The following PROX1 variants were observed in gnomAD, a reference collection of about 807,000 sequenced individuals.
PROX1 encodes the protein prospero homeobox protein 1.
In PROX1, 7 loss-of-function variants were observed where a neutral mutation model predicts 58.8. That is an observed-to-expected ratio of 0.12 (90% CI 0.07 to 0.22). The LOEUF (loss-of-function observed/expected upper bound fraction) is 0.22. Among genes scored for constraint, PROX1 ranks in the 10% least tolerant of loss-of-function variants. The pLI, the probability that PROX1 is intolerant of heterozygous loss-of-function variation, is 1.00. For synonymous variants in PROX1, 350 were observed against 358.3 expected (o/e 0.98, Z 0.26); for missense variants, 675 against 927.8 (o/e 0.73, Z 3.54).
At chr1:214,022,727 A>AGAT (rs1491156031) in intron 4 of PROX1, among the ~76,000 whole-genome samples, 5 of 152,226 alleles carry the variant, frequency 3.3e-5, no homozygotes, top group Non-Finnish European at 5.9e-5. Context: ...GAAAGTGATA[A>AGAT]GATTAAATTC....
chr1:214,006,808 T>C (rs1436739526), intron 3 of PROX1, among the ~76,000 whole-genome samples: 10 of 152,198 alleles, frequency 6.6e-5, no homozygotes, highest in Non-Finnish European at 1.3e-4. Context: ...CAGATGTCCA[T>C]GTTACTCATT....
rs1664958806 is a variant in PROX1, at chr1:214,039,933, C to T, written c.*4099C>T. 1 of 152,146 alleles carries T rather than the reference C, an allele frequency of 6.6e-6. No homozygotes were observed. The highest frequency in any genetic ancestry group is 2.4e-5 in the African/African-American group (1 of 41,424). The allele number at this position is 152,146 out of a possible 1,614,324, so 9.4% of individuals were successfully genotyped here. A position where few individuals can be genotyped will look rare whatever the true frequency, so the allele number is the denominator to read the frequency against. On this transcript the variant is annotated 3_prime_UTR_variant, in exon 5 of 5. Transcript: ENST00000366958. Reference sequence around the variant, plus strand: ...TATGAAAGAAAGAGTAGTTTACAGACTCCCCTGAAAGAAGCAGTGTATATG... The same window carrying T: ...TATGAAAGAAAGAGTAGTTTACAGATTCCCCTGAAAGAAGCAGTGTATATG...
intron 4 of PROX1, among the ~76,000 whole-genome samples, chr1:214,025,751 C>G (rs1276659184): frequency 6.6e-6 from 1 of 151,918 alleles, no homozygotes; most frequent in East Asian, 1.9e-4. Context: ...CAACCTCCGC[C>G]TCTTGGGTTC....
intron 4 of PROX1, chr1:214,030,635 T>G (rs1664616999): frequency 2.0e-5 from 3 of 152,172 alleles, no homozygotes; most frequent in Admixed American, 6.6e-5. Context: ...TTACGGACGG[T>G]TCAGAGGTGT....
upstream of PROX1, chr1:213,984,587 G>GC (rs1662778198): frequency 6.6e-6 from 1 of 152,356 alleles, no homozygotes; most frequent in Non-Finnish European, 1.5e-5. Context: ...TCCAGGTTGG[G>GC]CTTGGCGTCA....
At chr1:214,027,162 G>T (rs533520832) in intron 4 of PROX1, among the ~76,000 whole-genome samples, 16 of 152,114 alleles carry the variant, frequency 1.1e-4, no homozygotes, top group African/African-American at 3.9e-4. Flanking sequence ...GGGGCTATTG[G>T]GTGGCTCATC....
chr1:213,999,831 G>C (rs758247665), intron 2 of PROX1, among the ~76,000 whole-genome samples: 14 of 152,276 alleles, frequency 9.2e-5, no homozygotes, highest in Admixed American at 5.2e-4. Flanking sequence ...TTGATCAAAT[G>C]ATTGGAATAT....
At chr1:214,032,187 C>T (rs777302564) in intron 4 of PROX1, among the ~76,000 whole-genome samples, 41 of 152,028 alleles carry the variant, frequency 2.7e-4, no homozygotes, top group Non-Finnish European at 5.0e-4. Context: ...GTTTTGGTGC[C>T]TCATATAAAT....
chr1:214,012,671 G>A lies in PROX1; in HGVS notation c.2028+956G>A, dbSNP rs1011524324. Among the ~76,000 whole-genome samples the A allele has an allele frequency of 2.6e-5, 4 of 152,228 alleles. No homozygotes were observed. The South Asian group carries it at 8.3e-4, about 32-fold the overall frequency. ...TGCAGGCTGAACTCCCTGATGATGA[G>A]ATCAGACAGGCTGTGGCTTGACAAA... On this transcript the variant is annotated intron_variant, in intron 4 of 4. Transcript: ENST00000366958.
rs1663310601 is a variant in PROX1, at chr1:213,997,388, G to C, written c.853G>C (p.Asp285His). Residue 285 changes from aspartate (D) to histidine (H), a missense_variant, in exon 2 of 5, where the codon GAT becomes CAT. By Grantham distance (81) the Asp-to-His change is moderately conservative. Transcript: ENST00000366958. The surrounding 1 kb of genome is among the most constrained non-coding windows in gnomAD (Gnocchi z 7.1). The part of the protein sequence containing the change: ...SEDSMRSEIL[D>H]ARAQDSVGRS... ...AGACAGCATGCGCTCGGAGATCCTGGATGCCAGGGCCCAGGACTCTGTCGG... is the reference window on the plus strand; with the variant it reads ...AGACAGCATGCGCTCGGAGATCCTGCATGCCAGGGCCCAGGACTCTGTCGG... The C allele has an allele frequency of 6.2e-7, 1 of 1,614,102 alleles. No individual in the cohort carries two copies. Among genetic ancestry groups the C allele is most frequent in the Admixed American group, 1.7e-5 (1 of 60,014 alleles).
intron 4 of PROX1, among the ~76,000 whole-genome samples, chr1:214,020,341 G>A (rs1228016098): frequency 2.6e-5 from 4 of 152,072 alleles, no homozygotes; most frequent in African/African-American, 7.2e-5. Context: ...CGCTGTGCAC[G>A]TTACAGTCTT....
In PROX1 at chr1:214,008,345, G is replaced by A. The variant is rs867833322; in HGVS notation, c.1833+3073G>A. ...GCTGGGATTACAGGCATGAGCCACC[G>A]CGCTCAGCCCTCATATTTTATTTAG... is the stretch of plus-strand genomic sequence containing the variant. On this transcript the variant is annotated intron_variant, in intron 3 of 4. Transcript: ENST00000366958. 1.9e-4 allele frequency among the ~76,000 whole-genome samples: 29 copies of A among 152,010 alleles called. 1 individual carries two copies. Among genetic ancestry groups the A allele is most frequent in the Admixed American group, 5.2e-4 (8 of 15,258 alleles).
intron 4 of PROX1, chr1:214,029,619 T>G (rs766742797): frequency 6.6e-6 from 1 of 152,206 alleles, no homozygotes; most frequent in Non-Finnish European, 1.5e-5. Flanking sequence ...CAGAGCTGCT[T>G]CAGCATTAGA....
chr1:214,017,492 G>C (rs913949062), intron 4 of PROX1, among the ~76,000 whole-genome samples: 2 of 151,782 alleles, frequency 1.3e-5, no homozygotes, highest in African/African-American at 2.4e-5. Flanking sequence ...ATGATTTGGT[G>C]AAAAGACCAT....
chr1:214,024,100 G>T (rs930472129), intron 4 of PROX1, among the ~76,000 whole-genome samples: 9 of 152,252 alleles, frequency 5.9e-5, no homozygotes, highest in Non-Finnish European at 1.3e-4. Context: ...AGCATCCTAG[G>T]TTGTCCCACC....
chr1:214,031,087 A>G (rs993144179), intron 4 of PROX1, among the ~76,000 whole-genome samples: 38 of 150,846 alleles, frequency 2.5e-4, no homozygotes, highest in Middle Eastern at 6.9e-3. Context: ...GCATTCGCGC[A>G]CGCACACACA....
At chr1:214,015,877 C>T (rs747062615) in intron 4 of PROX1, among the ~76,000 whole-genome samples, 1 of 152,162 alleles carries the variant, frequency 6.6e-6, no homozygotes, top group Admixed American at 6.5e-5. Flanking sequence ...CTGGGCCCCT[C>T]AGTGGCTAGT....
At chr1:214,000,989 G>T (rs4655478) in intron 2 of PROX1, among the ~76,000 whole-genome samples, 43,398 of 151,888 alleles carry the variant, frequency 0.29, 6,406 homozygotes, top group Admixed American at 0.39. Flanking sequence ...GGGCAGAAAT[G>T]TAATGAAATG....
intron 2 of PROX1, among the ~76,000 whole-genome samples, chr1:214,002,148 GA>G (rs1663538665): frequency 6.6e-6 from 1 of 152,144 alleles, no homozygotes; most frequent in South Asian, 2.1e-4. Flanking sequence ...AGTTTAGCTG[GA>G]AAAAAAGAAT....
Sources: gnomAD v4.1 joint callset for allele counts (sites outside exome capture counted in the v4.1 genomes callset) on GRCh38, gnomAD v4.1.1 for gene constraint, Gnocchi (gnomAD v3.1) non-coding constraint, MANE v1.5 for transcripts, NCBI Gene and HGNC (gene_info 2026-07-23, HGNC 2026-07-21) for gene names.